HYKK: variants seen among roughly 807,000 people sequenced by gnomAD.
HYKK encodes the protein 5-hydroxy-L-lysine kinase.
In HYKK, 19 loss-of-function variants were observed where a neutral mutation model predicts 29.7. The observed-to-expected ratio is 0.64, with a 90% CI of 0.45 to 0.94. The LOEUF is 0.94. Among genes scored for constraint, HYKK ranks in the 40% least tolerant of loss-of-function variants. HYKK has a pLI of 0.00. For synonymous variants in HYKK, 152 were observed against 158.1 expected (o/e 0.96, Z 0.29); for missense variants, 390 against 443.4 (o/e 0.88, Z 1.08).
At chr15:78,537,021 G>A (rs139445538), downstream of HYKK, among the ~76,000 whole-genome samples, 87 of 152,198 alleles carry the variant, frequency 5.7e-4, no homozygotes, top group African/African-American at 5.5e-4. Flanking sequence ...CTTAACCAGC[G>A]GCCCCTCAGG....
chr15:78,520,674 A>G (rs868859352), intron 3 of HYKK, among the ~76,000 whole-genome samples: 2 of 152,154 alleles, frequency 1.3e-5, no homozygotes, highest in East Asian at 1.9e-4. Context: ...CGATTTCTCA[A>G]TGTTTTCCCC....
At chr15:78,514,871 T>A in intron 2 of HYKK, 97 bp from the exon 3 acceptor site, 1 of 453,706 alleles carries the variant, frequency 2.2e-6, no homozygotes. Flanking sequence ...TAGCTTCTAA[T>A]TCTGTTATAT....
At chr15:78,527,878 T>C (rs1048068786) in intron 4 of HYKK, 1 of 358,912 alleles carries the variant, frequency 2.8e-6, no homozygotes, top group African/African-American at 2.2e-5. Flanking sequence ...CTGTGTATTA[T>C]TATTCTGCAA....
chr15:78,510,338 C>G (rs992764750), intron 1 of HYKK, among the ~76,000 whole-genome samples: 2 of 151,776 alleles, frequency 1.3e-5, no homozygotes, highest in Non-Finnish European at 2.9e-5. Flanking sequence ...CGCCGGCCAC[C>G]ATGCCCGGCT....
chr15:78,531,088 C>G (rs2052307500), intron 4 of HYKK, among the ~76,000 whole-genome samples: 2 of 152,016 alleles, frequency 1.3e-5, no homozygotes, highest in African/African-American at 4.8e-5. Context: ...GTCTTGAACT[C>G]CTGGCCTCAA....
chr15:78,530,137 T>G (rs897119678), intron 4 of HYKK, among the ~76,000 whole-genome samples: 3 of 151,912 alleles, frequency 2.0e-5, no homozygotes, highest in African/African-American at 7.3e-5. Context: ...AGGCCCCTGT[T>G]ATTTTTTTAC....
At chr15:78,528,863 G>A (rs2141363482) in intron 4 of HYKK, 1 of 981,688 alleles carries the variant, frequency 1.0e-6, no homozygotes, top group Non-Finnish European at 1.2e-6. Context: ...TAGGCAGTAT[G>A]TGTTTCTCAG....
chr15:78,525,098 C>T (rs980042949), intron 3 of HYKK, among the ~76,000 whole-genome samples: 3 of 152,054 alleles, frequency 2.0e-5, no homozygotes, highest in African/African-American at 7.2e-5. Context: ...TTCTCAAACT[C>T]CCGGTCATAA....
chr15:78,520,758 C>T (rs1446849766), intron 3 of HYKK, among the ~76,000 whole-genome samples: 1 of 152,210 alleles, frequency 6.6e-6, no homozygotes, highest in Non-Finnish European at 1.5e-5. Flanking sequence ...GTTGGGTACA[C>T]CTCCCAGATG....
chr15:78,515,114 T>C lies in HYKK; in HGVS notation c.477+7T>C. ...ATTGGATAAGACACTGCAGGTAAGATTTGGGGCTTTATTTTATTCTAAGGG... is the reference window on the plus strand; with the variant it reads ...ATTGGATAAGACACTGCAGGTAAGACTTGGGGCTTTATTTTATTCTAAGGG... On this transcript the variant is annotated splice_region_variant and intron_variant, in intron 3 of 4. Transcript: ENST00000388988. 2 of 1,545,602 alleles carry C rather than the reference T, an allele frequency of 1.3e-6. No individual in the cohort carries two copies. Among genetic ancestry groups the C allele is most frequent in the African/African-American group, 1.4e-5 (1 of 71,260 alleles).
chr15:78,533,319 G>A lies in HYKK; in HGVS notation c.771G>A (p.Met257Ile). 6 of 1,614,058 alleles carry A rather than the reference G, an allele frequency of 3.7e-6. No individual in the cohort carries two copies. The highest frequency in any genetic ancestry group is 5.1e-6 in the Non-Finnish European group (6 of 1,179,898). Residue 257 changes from methionine to isoleucine, a missense_variant, in exon 5 of 5, where the codon ATG (methionine) becomes ATA (isoleucine). Physicochemically the swap from Met to Ile is conservative, Grantham distance 10. Transcript: ENST00000388988. The stretch of plus-strand genomic sequence containing the variant: ...CTGGGATTTTAGACTTTGGTGACAT[G>A]AGCTATGGCTACTATGTGTTTGAAG... ...QVSGILDFGD[M>I]SYGYYVFEVA...
intron 3 of HYKK, 139 bp from the exon 4 acceptor site, chr15:78,527,241 G>A (rs184749250): frequency 2.9e-3 from 1,917 of 665,380 alleles, no homozygotes; most frequent in Non-Finnish European, 4.2e-3. Context: ...AGTCGAGATC[G>A]TGCCACTGCA....
Position 78,515,108 on chromosome 15 carries a change from G to C in HYKK, c.477+1G>C, listed in dbSNP as rs781230172. 1 of 1,558,202 alleles carries C rather than the reference G, an allele frequency of 6.4e-7. No homozygotes were observed. The highest frequency in any genetic ancestry group is 8.7e-7 in the Non-Finnish European group (1 of 1,154,290). On this transcript the variant is annotated splice_donor_variant, in intron 3 of 4. Coordinates refer to ENST00000388988, the MANE Select transcript of HYKK (RefSeq NM_001013619.4). LOFTEE classifies it high-confidence loss of function. ...TGCCAAATTGGATAAGACACTGCAG[G>C]TAAGATTTGGGGCTTTATTTTATTC...
intron 3 of HYKK, among the ~76,000 whole-genome samples, chr15:78,525,601 G>A (rs1358679592): frequency 2.0e-5 from 3 of 149,210 alleles, no homozygotes; most frequent in African/African-American, 7.4e-5. Flanking sequence ...AGGTTCAAGC[G>A]ATTCTCCTGC....
rs2052359720 is a variant in HYKK, at chr15:78,536,063, C to T, written c.*2393C>T. On this transcript the variant is annotated 3_prime_UTR_variant, in exon 5 of 5. Transcript: ENST00000388988. ...ATAATAAAAGCCAACATTTATTCAG[C>T]ACTGAAGTATTTTATACACATTAGC... is the stretch of plus-strand genomic sequence containing the variant. The T allele has an allele frequency of 6.6e-6, 1 of 152,200 alleles. No individual in the cohort carries two copies. The highest frequency in any genetic ancestry group is 2.1e-4 in the South Asian group (1 of 4,828). The allele number at this position is 152,200 out of a possible 1,614,324, so 9.4% of individuals were successfully genotyped here.
intron 4 of HYKK, 103 bp downstream of exon 4, chr15:78,527,666 A>T: frequency 6.7e-7 from 1 of 1,484,174 alleles, no homozygotes; most frequent in Middle Eastern, 2.0e-4. Context: ...CAAATCTTAA[A>T]ATTTTGCCAT....
intron 4 of HYKK, among the ~76,000 whole-genome samples, chr15:78,530,832 T>C (rs914320413): frequency 6.6e-6 from 1 of 151,918 alleles, no homozygotes; most frequent in Non-Finnish European, 1.5e-5. Context: ...CATAAGCCAA[T>C]GCACTCAGCT....
rs2052270326 is a variant in HYKK, at chr15:78,527,759, T to A, written c.661+196T>A. Reference sequence around the variant, plus strand: ...TTTGAAGCCTCCTCTAAACTTTACATGAGTCTACCTCTCTTCTTCCCATTA... The same window carrying A: ...TTTGAAGCCTCCTCTAAACTTTACAAGAGTCTACCTCTCTTCTTCCCATTA... On this transcript the variant is annotated intron_variant, in intron 4 of 4. Coordinates refer to ENST00000388988, the MANE Select transcript of HYKK (RefSeq NM_001013619.4). 3 of 1,340,360 alleles carry A rather than the reference T, an allele frequency of 2.2e-6. No individual in the cohort carries two copies. The South Asian group carries it at 5.1e-5, about 23-fold the overall frequency. 83.0% of individuals were successfully genotyped at this position (1,340,360 alleles called of 1,614,324 possible).
At chr15:78,529,956 G>T (rs1458506236) in intron 4 of HYKK, among the ~76,000 whole-genome samples, 3 of 151,724 alleles carry the variant, frequency 2.0e-5, no homozygotes, top group Non-Finnish European at 4.4e-5. Context: ...TCCCACCTCA[G>T]ACTCCCAAGT....
Sources: gnomAD v4.1 joint callset for allele counts (sites outside exome capture counted in the v4.1 genomes callset) on GRCh38, gnomAD v4.1.1 for gene constraint, MANE v1.5 for transcripts, NCBI Gene and HGNC (gene_info 2026-07-23, HGNC 2026-07-21) for gene names.